DYM: variants seen among roughly 807,000 people sequenced by gnomAD.
The protein encoded by DYM is dyggve-Melchior-Clausen syndrome protein.
In DYM, 78 loss-of-function variants were observed where a neutral mutation model predicts 93.1. The ratio of observed to expected loss-of-function variants is 0.84; its 90% confidence interval spans 0.70 to 1.01. The LOEUF (loss-of-function observed/expected upper bound fraction) is 1.01. Among genes scored for constraint, DYM ranks in the 50% least tolerant of loss-of-function variants. DYM has a pLI of 0.00. For synonymous variants in DYM, 321 were observed against 319.7 expected (o/e 1.00, Z -0.04); for missense variants, 789 against 845.0 (o/e 0.93, Z 0.82).
intron 1 of DYM, among the ~76,000 whole-genome samples, chr18:49,450,358 T>G (rs2082420348): frequency 6.6e-6 from 1 of 152,234 alleles, no homozygotes; most frequent in African/African-American, 2.4e-5. Context: ...GTTTACAACT[T>G]TAATAAACTA....
chr18:49,215,521 G>T (rs557845832), intron 13 of DYM, among the ~76,000 whole-genome samples: 2 of 152,066 alleles, frequency 1.3e-5, no homozygotes, highest in South Asian at 4.2e-4. Context: ...TAAACCACTC[G>T]TATCATCCCA....
chr18:49,244,249 G>T (rs1026325817), intron 13 of DYM, among the ~76,000 whole-genome samples: 2 of 152,206 alleles, frequency 1.3e-5, no homozygotes, highest in Non-Finnish European at 2.9e-5. Context: ...CGCTGGACTT[G>T]ATTTTCTCAT....
intron 1 of DYM, among the ~76,000 whole-genome samples, chr18:49,445,950 C>T (rs898162236): frequency 2.6e-5 from 4 of 152,012 alleles, no homozygotes; most frequent in Admixed American, 6.5e-5. Flanking sequence ...CTATATTAAC[C>T]AAGAATTCTT....
chr18:49,197,320 T>A (rs981586203), intron 14 of DYM, among the ~76,000 whole-genome samples: 3 of 152,000 alleles, frequency 2.0e-5, no homozygotes, highest in Non-Finnish European at 1.5e-5. Context: ...TTTTTAAAAG[T>A]TCTAATGTTT....
At chr18:49,150,358 G>C (rs1173978899) in intron 15 of DYM, among the ~76,000 whole-genome samples, 2 of 152,212 alleles carry the variant, frequency 1.3e-5, no homozygotes, top group African/African-American at 2.4e-5. Flanking sequence ...GGGTGTTTGG[G>C]AGGAGATTAG....
At chr18:49,394,698 AT>A (rs1313749201) in intron 2 of DYM, among the ~76,000 whole-genome samples, 1 of 152,056 alleles carries the variant, frequency 6.6e-6, no homozygotes, top group Non-Finnish European at 1.5e-5. Flanking sequence ...GTCTTCTTCA[AT>A]TTTTTTCATC....
At chr18:49,395,763 A>T (rs2069991073) in intron 2 of DYM, among the ~76,000 whole-genome samples, 1 of 152,252 alleles carries the variant, frequency 6.6e-6, no homozygotes, top group African/African-American at 2.4e-5. Flanking sequence ...ATTATTAAAA[A>T]GACAAAAAAT....
intron 15 of DYM, among the ~76,000 whole-genome samples, chr18:49,159,014 C>T (rs968138167): frequency 2.0e-5 from 3 of 152,108 alleles, no homozygotes; most frequent in African/African-American, 7.2e-5. Context: ...TAAATATATA[C>T]ATCTACTATC....
intron 15 of DYM, among the ~76,000 whole-genome samples, chr18:49,124,104 G>A (rs2082614432): frequency 6.6e-6 from 1 of 152,184 alleles, no homozygotes; most frequent in Non-Finnish European, 1.5e-5. Context: ...GTAATTTGCT[G>A]AAACAAACAG....
At chr18:49,149,205 A>G (rs2085523914) in intron 15 of DYM, among the ~76,000 whole-genome samples, 1 of 152,084 alleles carries the variant, frequency 6.6e-6, no homozygotes, top group Non-Finnish European at 1.5e-5. Context: ...CTCAGGAGGT[A>G]ATGGAGTGAC....
intron 14 of DYM, among the ~76,000 whole-genome samples, chr18:49,187,559 G>T (rs754370336): frequency 6.6e-6 from 1 of 152,024 alleles, no homozygotes; most frequent in African/African-American, 2.4e-5. Flanking sequence ...CACAGTTTAA[G>T]ACAAATACAA....
At chr18:49,066,087 T>A (rs2076363217) in intron 17 of DYM, among the ~76,000 whole-genome samples, 1 of 152,018 alleles carries the variant, frequency 6.6e-6, no homozygotes, top group African/African-American at 2.4e-5. Flanking sequence ...AGTGTAAAAG[T>A]GTAACAACTA....
intron 2 of DYM, among the ~76,000 whole-genome samples, chr18:49,425,470 G>A (rs1199408485): frequency 6.6e-6 from 1 of 152,086 alleles, no homozygotes; most frequent in East Asian, 1.9e-4. Context: ...ATACCATTCA[G>A]GACATAGGCA....
chr18:49,050,518 C>A (rs1195744306), intron 17 of DYM, among the ~76,000 whole-genome samples: 2 of 152,112 alleles, frequency 1.3e-5, no homozygotes, highest in Non-Finnish European at 2.9e-5. Context: ...TTACCATCTT[C>A]CTGTAAGATC....
chr18:49,386,208 T>A (rs1186161708), intron 3 of DYM, among the ~76,000 whole-genome samples: 3 of 152,066 alleles, frequency 2.0e-5, no homozygotes, highest in Non-Finnish European at 2.9e-5. Flanking sequence ...TAACGTCAGA[T>A]TTATCTGAAA....
chr18:49,332,623 A>G (rs1263170729), intron 7 of DYM, among the ~76,000 whole-genome samples: 1 of 152,216 alleles, frequency 6.6e-6, no homozygotes, highest in East Asian at 1.9e-4. Flanking sequence ...TGCAATATAG[A>G]GTAAACTTTT....
At chr18:49,315,051 C>A (rs1255154325) in intron 8 of DYM, among the ~76,000 whole-genome samples, 1 of 151,964 alleles carries the variant, frequency 6.6e-6, no homozygotes, top group Non-Finnish European at 1.5e-5. Flanking sequence ...CCAGTCTCTA[C>A]AACAGATACA....
At chr18:49,454,674 T>A (rs900899354) in intron 1 of DYM, among the ~76,000 whole-genome samples, 13 of 151,318 alleles carry the variant, frequency 8.6e-5, no homozygotes, top group African/African-American at 3.2e-4. Context: ...CCGAGGCCGG[T>A]GGATCACGAG....
At chr18:49,176,409 T>G (rs2089384216) in intron 14 of DYM, among the ~76,000 whole-genome samples, 1 of 152,000 alleles carries the variant, frequency 6.6e-6, no homozygotes, top group Non-Finnish European at 1.5e-5. Flanking sequence ...AAGCACATTT[T>G]TTTTCAATTT....
Sources: allele counts gnomAD v4.1 joint callset (sites outside exome capture counted in the v4.1 genomes callset), GRCh38; gene constraint gnomAD v4.1.1; transcripts MANE v1.5; gene names NCBI Gene and HGNC (gene_info 2026-07-23, HGNC 2026-07-21).